The following ANAPC4 variants were observed in gnomAD, a reference collection of about 807,000 sequenced individuals.
ANAPC4 encodes the protein anaphase promoting complex subunit 4.
A neutral mutation model predicts 119.8 loss-of-function variants in ANAPC4; 63 were observed. The observed-to-expected ratio is 0.53, with a 90% confidence interval of 0.43 to 0.65. The LOEUF is 0.65. Among genes scored for constraint, ANAPC4 ranks in the 30% least tolerant of loss-of-function variants. The pLI is 0.00. For missense variants in ANAPC4, 716 were observed against 945.1 expected, an observed-to-expected ratio of 0.76 and a Z score of 3.18; for synonymous variants, 283 against 318.6, an observed-to-expected ratio of 0.89 and a Z score of 1.19.
At chr4:25,400,857 T>C (rs1722925303) in intron 16 of ANAPC4, among the ~76,000 whole-genome samples, 1 of 151,854 alleles carries the variant, frequency 6.6e-6, no homozygotes, top group South Asian at 2.1e-4. Flanking sequence ...GGAGAGAGGC[T>C]GGACAGATAG....
At chr4:25,411,199 A>G (rs1318449277) in intron 21 of ANAPC4, among the ~76,000 whole-genome samples, 2 of 152,180 alleles carry the variant, frequency 1.3e-5, no homozygotes, top group African/African-American at 4.8e-5. Context: ...CTACTTATTT[A>G]CTGTATTTAA....
At position 25,413,704 on chromosome 4, in the gene ANAPC4, A is replaced by T. The variant is rs1180057789; in HGVS notation, c.1585A>T (p.Met529Leu). 5.6e-6 allele frequency: 9 copies of T among 1,613,502 alleles called. No individual in the cohort carries two copies. The highest frequency in any genetic ancestry group is 6.8e-6 in the Non-Finnish European group (8 of 1,179,694). ...RKSLHFVKRR[M>L]ENIIDQCLQK... ...ATCATTGCATTTTGTGAAAAGGCGGATGGAGAATATTATTGATCAGTGTTT... is the reference window on the plus strand; with the variant it reads ...ATCATTGCATTTTGTGAAAAGGCGGTTGGAGAATATTATTGATCAGTGTTT... The change falls in exon 22 of 29, where the codon ATG (methionine) becomes TTG (leucine). Residue 529 changes from methionine (M) to leucine (L), a missense_variant. By Grantham distance (15) the Met-to-Leu change is conservative. Transcript: ENST00000315368.
intron 27 of ANAPC4, chr4:25,416,885 A>G: frequency 9.3e-6 from 2 of 215,442 alleles, no homozygotes; most frequent in Non-Finnish European, 1.8e-5. Context: ...TTTTAAGGAT[A>G]GCATTAACCC....
rs147333869 is a variant in ANAPC4, at chr4:25,405,607, C to T, written c.1305C>T (p.Pro435=). 349 of 1,613,518 alleles carry T rather than the reference C, an allele frequency of 2.2e-4. 1 individual carries two copies. The African/African-American group carries it at 3.8e-3, about 17-fold the overall frequency. ...GAATGACAGAAGACCATGTGCTTCC[C>T]GAGCTGAATAAGGTAGTATGTACTA... ...MLRMTEDHVL[P]ELNKMTQKDI... is the part of the protein sequence containing the mutation. Residue 435 remains proline, a synonymous_variant, in exon 18 of 29, where the codon CCC becomes CCT. Coordinates refer to ENST00000315368, the MANE Select transcript of ANAPC4 (RefSeq NM_013367.3). This position sits in a 1 kb window ranked among gnomAD's most constrained non-coding sequence, Gnocchi z 4.6.
Position 25,403,031 on chromosome 4 carries a change from GTTA to G in ANAPC4, c.1270+6_1270+8del. ...TTTTTCGGTGGCTTTATGTGGGTAA[GTTA>G]ATTGAGTGAAGCATTTTTATTTTAA... On this transcript the variant is annotated splice_donor_region_variant and intron_variant, in intron 17 of 28. Coordinates refer to ENST00000315368, the MANE Select transcript of ANAPC4 (RefSeq NM_013367.3). The G allele has an allele frequency of 6.3e-7, 1 of 1,596,144 alleles. No homozygotes were observed. Among genetic ancestry groups the G allele is most frequent in the Non-Finnish European group, 8.6e-7 (1 of 1,167,392 alleles).
chr4:25,414,585 AT>A lies in ANAPC4; in HGVS notation c.1725-6del, dbSNP rs762433913. 6 of 1,551,430 alleles carry A rather than the reference AT, an allele frequency of 3.9e-6. No homozygotes were observed. Among genetic ancestry groups the A allele is most frequent in the South Asian group, 2.4e-5 (2 of 83,822 alleles). On this transcript the variant is annotated splice_polypyrimidine_tract_variant and intron_variant, in intron 24 of 28. Transcript: ENST00000315368. ...TCAATAGTTAAAAAATATTATGACAATTTTTTTTCTTAGGTGGAATAATAAA... is the reference window on the plus strand; with the variant it reads ...TCAATAGTTAAAAAATATTATGACAATTTTTTTCTTAGGTGGAATAATAAA...
intron 22 of ANAPC4, chr4:25,413,986 A>G: frequency 2.1e-6 from 1 of 481,578 alleles, no homozygotes. Flanking sequence ...CATCTTGAGT[A>G]TTTTATTTGT....
Position 25,402,992 on chromosome 4 carries a change from A to G in ANAPC4, c.1236A>G (p.Lys412=). The G allele has an allele frequency of 6.2e-7, 1 of 1,600,892 alleles. No individual in the cohort carries two copies. Residue 412 remains lysine, a synonymous_variant, in exon 17 of 29, where the codon AAA becomes AAG. Transcript: ENST00000315368. The part of the protein sequence containing the change: ...ELLQVIDSSM[K]NFKAFFRWLY... ...TTAGAGTTATAGATAGTAGTATGAAAAACTTCAAAGCATTTTTTCGGTGGC... is the reference window on the plus strand; with the variant it reads ...TTAGAGTTATAGATAGTAGTATGAAGAACTTCAAAGCATTTTTTCGGTGGC...
rs1577402033 is a variant in ANAPC4 at position 25,414,180 on chromosome 4, G to T, written c.1624-144G>T. 17 of 577,138 alleles carry T rather than the reference G, an allele frequency of 2.9e-5. No homozygotes were observed. The East Asian group carries it at 5.3e-4, about 18-fold the overall frequency. 35.8% of individuals were successfully genotyped at this position (577,138 alleles called of 1,614,324 possible). Reference sequence around the variant, plus strand: ...TCTCTTTTTCCTTACTGTTACAATTGTCATTAACGTTTCTTATGTACAAGG... The same window carrying T: ...TCTCTTTTTCCTTACTGTTACAATTTTCATTAACGTTTCTTATGTACAAGG... On this transcript the variant is annotated intron_variant, in intron 22 of 28. Coordinates refer to ENST00000315368, the MANE Select transcript of ANAPC4 (RefSeq NM_013367.3).
In ANAPC4 at chr4:25,388,832, T is replaced by A; in HGVS notation, c.471-6T>A. ...AAAGATGACCCAATTTACTTCTATA[T>A]TTTAGTGAAGAAAATTCTGATGAAA... On this transcript the variant is annotated splice_region_variant and splice_polypyrimidine_tract_variant and intron_variant, in intron 6 of 28. Transcript: ENST00000315368. 6.2e-7 allele frequency: 1 copy of A among 1,605,584 alleles called. No individual in the cohort carries two copies. Among genetic ancestry groups the A allele is most frequent in the South Asian group, 1.1e-5 (1 of 89,234 alleles).
At chr4:25,387,705 A>T (rs1383693606) in intron 4 of ANAPC4, among the ~76,000 whole-genome samples, 1 of 152,108 alleles carries the variant, frequency 6.6e-6, no homozygotes, top group Non-Finnish European at 1.5e-5. Flanking sequence ...TTACTCATTT[A>T]TTTCCAACCT....
intron 3 of ANAPC4, 84 bp from the exon 4 acceptor site, chr4:25,383,177 G>A: frequency 7.5e-7 from 1 of 1,326,528 alleles, no homozygotes; most frequent in Non-Finnish European, 9.9e-7. Flanking sequence ...ACTTAAAAGA[G>A]TAAAACTGGG....
In ANAPC4 at chr4:25,381,554, C is replaced by T. The variant is rs1032287258; in HGVS notation, c.235+1075C>T. On this transcript the variant is annotated intron_variant, in intron 3 of 28. Transcript: ENST00000315368. ...CTCGAACGCCTGGCCTCAAGTGATT[C>T]GCCTACCTTGGCCTACTACAGTGTG... is the stretch of plus-strand genomic sequence containing the variant. 5.3e-5 allele frequency among the ~76,000 whole-genome samples: 8 copies of T among 152,064 alleles called. No individual in the cohort carries two copies. The South Asian group carries it at 6.2e-4, about 12-fold the overall frequency.
intron 22 of ANAPC4, chr4:25,414,036 G>C (rs1723723573): frequency 4.2e-6 from 2 of 470,778 alleles, no homozygotes; most frequent in South Asian, 7.3e-5. Flanking sequence ...TAGTTACAGA[G>C]CTGATGTGTC....
intron 16 of ANAPC4, among the ~76,000 whole-genome samples, chr4:25,397,384 C>G (rs1348860667): frequency 6.6e-6 from 1 of 152,148 alleles, no homozygotes; most frequent in African/African-American, 2.4e-5. Context: ...GCCTCCCACC[C>G]CTCTGCTTCA....
chr4:25,383,228 C>CT, intron 3 of ANAPC4, 33 bp from the exon 4 acceptor site: 1 of 1,535,474 alleles, frequency 6.5e-7, no homozygotes, highest in Non-Finnish European at 8.8e-7. Flanking sequence ...AATTGTTACA[C>CT]TAATTTATTC....
intron 3 of ANAPC4, among the ~76,000 whole-genome samples, chr4:25,380,769 C>T (rs1366691612): frequency 6.6e-6 from 1 of 152,224 alleles, no homozygotes; most frequent in Non-Finnish European, 1.5e-5. Flanking sequence ...GTTCTTTCCA[C>T]TGTCATCTTG....
At chr4:25,377,596 T>C (rs747026168) in intron 2 of ANAPC4, 40 bp downstream of exon 2, 2 of 1,545,370 alleles carry the variant, frequency 1.3e-6, no homozygotes, top group African/African-American at 1.4e-5. Flanking sequence ...CTGGGTCTGC[T>C]CCCGGGGGGC....
Position 25,418,492 on chromosome 4 carries a change from T to G in ANAPC4, c.*110T>G, listed in dbSNP as rs1724006471. ...CAAAGAAATAAACAGTAAATTTTAT[T>G]TTTTCATATTCTGCTTCATCTTCTC... On this transcript the variant is annotated 3_prime_UTR_variant, in exon 29 of 29. Transcript: ENST00000315368. The G allele has an allele frequency of 1.2e-6, 1 of 869,030 alleles. No individual in the cohort carries two copies. 53.8% of individuals were successfully genotyped at this position (869,030 alleles called of 1,614,324 possible). A position where few individuals can be genotyped will look rare whatever the true frequency, so the allele number is the denominator to read the frequency against.
Sources: gnomAD v4.1 joint callset for allele counts (sites outside exome capture counted in the v4.1 genomes callset) on GRCh38, gnomAD v4.1.1 for gene constraint, Gnocchi (gnomAD v3.1) non-coding constraint, MANE v1.5 for transcripts, NCBI Gene and HGNC (gene_info 2026-07-23, HGNC 2026-07-21) for gene names.